The following EIF2AK3 variants were observed in gnomAD, a reference collection of about 807,000 sequenced individuals.
EIF2AK3 encodes eukaryotic translation initiation factor 2 alpha kinase 3, also known as eukaryotic translation initiation factor 2-alpha kinase 3.
Under a neutral mutation model 113.5 loss-of-function variants are expected in EIF2AK3, and 50 were observed. The ratio of observed to expected loss-of-function variants is 0.44; its 90% CI spans 0.35 to 0.56. EIF2AK3 has a LOEUF of 0.56. Ranked by LOEUF, EIF2AK3 falls within the 20% of genes least tolerant of loss-of-function variation. The pLI is 0.00. For missense variants in EIF2AK3, 1,185 were observed against 1,378.0 expected, an observed-to-expected ratio of 0.86 and a Z score of 2.22; for synonymous variants, 448 against 495.4, an observed-to-expected ratio of 0.90 and a Z score of 1.27.
intron 14 of EIF2AK3, among the ~76,000 whole-genome samples, chr2:88,565,090 G>A (rs1428905736): frequency 1.3e-5 from 2 of 148,730 alleles, no homozygotes; most frequent in African/African-American, 5.0e-5. Context: ...AGGCTGGAGT[G>A]CAATGGCAAG....
chr2:88,584,259 G>A (rs1674664488), intron 9 of EIF2AK3, among the ~76,000 whole-genome samples: 2 of 152,110 alleles, frequency 1.3e-5, no homozygotes, highest in African/African-American at 4.8e-5. Flanking sequence ...GCTCATGCCT[G>A]TAATCCCAAC....
At chr2:88,621,319 T>C (rs1475486696) in intron 1 of EIF2AK3, among the ~76,000 whole-genome samples, 1 of 152,220 alleles carries the variant, frequency 6.6e-6, no homozygotes, top group East Asian at 1.9e-4. Flanking sequence ...CTGATAAGTG[T>C]ATGCTAAATT....
At position 88,587,584 on chromosome 2, in the gene EIF2AK3, T is replaced by C. The variant is rs183202721; in HGVS notation, c.1429+398A>G. Among the ~76,000 whole-genome samples the C allele has an allele frequency of 3.2e-3, 493 of 152,328 alleles. 2 individuals carry two copies. Among genetic ancestry groups the C allele is most frequent in the African/African-American group, 0.011 (472 of 41,580 alleles). ...ATTTTCTTCATTATACAGGCAACTA[T>C]ACAGCCTACATAATATAGTCTGATA... On this transcript the variant is annotated intron_variant, in intron 8 of 16. Coordinates refer to ENST00000303236, the MANE Select transcript of EIF2AK3 (RefSeq NM_004836.7).
chr2:88,627,240 C>A lies in EIF2AK3; in HGVS notation c.35G>T (p.Arg12Leu). 6.7e-7 allele frequency: 1 copy of A among 1,482,326 alleles called. No individual in the cohort carries two copies. Among genetic ancestry groups the A allele is most frequent in the Non-Finnish European group, 8.9e-7 (1 of 1,122,784 alleles). 91.8% of individuals were successfully genotyped at this position (1,482,326 alleles called of 1,614,324 possible). The change falls in exon 1 of 17, where the codon CGG becomes CTG. Residue 12 changes from arginine to leucine, a missense_variant. Arg to Leu is a moderately radical substitution (Grantham distance 102). Transcript: ENST00000303236. ...CAGCAGCAGCAGCAGCAGCAGCGCC[C>A]GTACCAGCAGCCCCGGGCTGATGGC... ...ERAISPGLLV[R>L]ALLLLLLLLG... is the part of the protein sequence containing the mutation.
chr2:88,559,494 G>A (rs1370138190), intron 15 of EIF2AK3, among the ~76,000 whole-genome samples: 6 of 149,294 alleles, frequency 4.0e-5, no homozygotes, highest in Non-Finnish European at 8.9e-5. Flanking sequence ...CCAATCCCCT[G>A]TGGATACCAA....
At chr2:88,559,721 T>C (rs1673891004) in intron 15 of EIF2AK3, among the ~76,000 whole-genome samples, 1 of 152,148 alleles carries the variant, frequency 6.6e-6, no homozygotes, top group Non-Finnish European at 1.5e-5. Context: ...AAAAGTGGAC[T>C]TTTGTGTCTG....
intron 1 of EIF2AK3, among the ~76,000 whole-genome samples, chr2:88,617,614 G>A (rs183962292): frequency 2.0e-5 from 3 of 151,934 alleles, no homozygotes; most frequent in South Asian, 2.1e-4. Context: ...AAAATTAGCC[G>A]GGCGTGGTGG....
At chr2:88,616,961 A>G (rs1675602360) in intron 1 of EIF2AK3, among the ~76,000 whole-genome samples, 1 of 152,188 alleles carries the variant, frequency 6.6e-6, no homozygotes, top group Non-Finnish European at 1.5e-5. Context: ...AGTATTCATT[A>G]TGGGCTCCTC....
Position 88,557,647 on chromosome 2 carries a change from C to T in EIF2AK3, c.*89G>A. 2 of 1,443,650 alleles carry T rather than the reference C, an allele frequency of 1.4e-6. No homozygotes were observed. Among genetic ancestry groups the T allele is most frequent in the East Asian group, 2.3e-5 (1 of 43,976 alleles). 89.4% of individuals were successfully genotyped at this position (1,443,650 alleles called of 1,614,324 possible). ...ACAAAAAAATTGAGCGAAGAACAAA[C>T]TTTTCAAGTCTGCAATTTTGGACAG... On this transcript the variant is annotated 3_prime_UTR_variant, in exon 17 of 17. Coordinates refer to ENST00000303236, the MANE Select transcript of EIF2AK3 (RefSeq NM_004836.7).
At chr2:88,607,684 T>C (rs1033918855) in intron 2 of EIF2AK3, among the ~76,000 whole-genome samples, 7 of 152,210 alleles carry the variant, frequency 4.6e-5, no homozygotes, top group Admixed American at 3.9e-4. Context: ...AATACACTAT[T>C]CTGTAAGCCT....
At chr2:88,613,959 A>G in intron 1 of EIF2AK3, 106 bp from the exon 2 acceptor site, 1 of 1,018,886 alleles carries the variant, frequency 9.8e-7, no homozygotes, top group Non-Finnish European at 1.4e-6. Flanking sequence ...CTCTATTCGT[A>G]GAAAGGAAGA....
chr2:88,600,679 C>CT (rs1339823030), intron 2 of EIF2AK3, among the ~76,000 whole-genome samples: 1 of 152,112 alleles, frequency 6.6e-6, no homozygotes, highest in Non-Finnish European at 1.5e-5. Context: ...ACCAGTGGCA[C>CT]TTGCAATCAG....
chr2:88,591,747 G>A (rs905178264), intron 4 of EIF2AK3, among the ~76,000 whole-genome samples: 1 of 152,098 alleles, frequency 6.6e-6, no homozygotes, highest in African/African-American at 2.4e-5. Context: ...GCATAGTTAA[G>A]AATTCTGACA....
intron 4 of EIF2AK3, among the ~76,000 whole-genome samples, chr2:88,592,828 T>C (rs891118533): frequency 3.9e-5 from 6 of 151,986 alleles, no homozygotes; most frequent in African/African-American, 1.5e-4. Context: ...AGAACCCCTG[T>C]GGTTATCATA....
intron 15 of EIF2AK3, among the ~76,000 whole-genome samples, chr2:88,559,289 A>G (rs1314760572): frequency 1.3e-5 from 2 of 152,104 alleles, no homozygotes. Flanking sequence ...ACAGATACAG[A>G]TTTTTTTCTT....
intron 1 of EIF2AK3, 74 bp from the exon 2 acceptor site, chr2:88,613,927 G>T: frequency 2.2e-6 from 3 of 1,387,904 alleles, no homozygotes; most frequent in South Asian, 2.5e-5. Flanking sequence ...ATGCTCAAAA[G>T]AAAACCAGCC....
chr2:88,590,327 G>A, intron 6 of EIF2AK3, 116 bp downstream of exon 6: 2 of 1,014,438 alleles, frequency 2.0e-6, no homozygotes, highest in Non-Finnish European at 3.1e-6. Flanking sequence ...ACGTACATCA[G>A]AGATGATATT....
chr2:88,581,167 T>C (rs1471138133), intron 10 of EIF2AK3, among the ~76,000 whole-genome samples: 3 of 151,136 alleles, frequency 2.0e-5, no homozygotes, highest in Non-Finnish European at 2.9e-5. Context: ...GCCTAGGACA[T>C]TGTCGCCACT....
chr2:88,588,105 C>T lies in EIF2AK3; in HGVS notation c.1307-1G>A. 1 of 1,468,230 alleles carries T rather than the reference C, an allele frequency of 6.8e-7. No individual in the cohort carries two copies. The highest frequency in any genetic ancestry group is 9.4e-7 in the Non-Finnish European group (1 of 1,060,976). The allele number at this position is 1,468,230 out of a possible 1,614,324, so 91.0% of individuals were successfully genotyped here. On this transcript the variant is annotated splice_acceptor_variant, in intron 7 of 16. Coordinates refer to ENST00000303236, the MANE Select transcript of EIF2AK3 (RefSeq NM_004836.7). LOFTEE classifies it high-confidence loss of function. ...AAGACAGGAGTTCTGGAAGGAGAAT[C>T]TAAAAGAAAATTATTATTTTCTTAA...
Sources: allele counts gnomAD v4.1 joint callset (sites outside exome capture counted in the v4.1 genomes callset), GRCh38; gene constraint gnomAD v4.1.1; transcripts MANE v1.5; gene names NCBI Gene and HGNC (gene_info 2026-07-23, HGNC 2026-07-21).